Variants in CSMD1 observed in about 807,000 individuals in gnomAD.
CSMD1 encodes CUB and sushi domain-containing protein 1.
In CSMD1, 213 loss-of-function variants were observed where a neutral mutation model predicts 417.5. The observed-to-expected ratio is 0.51, with a 90% CI of 0.46 to 0.57. CSMD1 has a LOEUF of 0.57. Ranked by LOEUF, CSMD1 falls within the 20% of genes least tolerant of loss-of-function variation. The pLI is 0.00. For missense variants in CSMD1, 6,923 were observed against 4,529.7 expected (o/e 1.53, Z -15.17); for synonymous variants, 2,862 against 1,736.8 (o/e 1.65, Z -16.11).
At chr8:2,955,916 T>A in intron 63 of CSMD1, 148 bp from the exon 64 acceptor site, 2 of 534,466 alleles carry the variant, frequency 3.7e-6, no homozygotes, top group Non-Finnish European at 6.1e-6. Context: ...ATGTATATTT[T>A]TTTTGGTAGA....
intron 3 of CSMD1, among the ~76,000 whole-genome samples, chr8:4,068,383 G>A (rs2042527): frequency 1.3e-5 from 2 of 151,920 alleles, no homozygotes; most frequent in Non-Finnish European, 2.9e-5. Context: ...CCATGGGAGT[G>A]TGACTTTTAT....
intron 4 of CSMD1, among the ~76,000 whole-genome samples, chr8:4,007,678 C>CT (rs113392680): frequency 1.5e-3 from 225 of 146,532 alleles, no homozygotes; most frequent in Middle Eastern, 3.7e-3. Context: ...CTTTCTTCCT[C>CT]TTTTTTTTTT....
chr8:3,380,563 A>T (rs1451841326), intron 18 of CSMD1, among the ~76,000 whole-genome samples: 2 of 152,206 alleles, frequency 1.3e-5, no homozygotes, highest in African/African-American at 4.8e-5. Context: ...GCAGCCATAA[A>T]AAAGGATGAG....
intron 5 of CSMD1, among the ~76,000 whole-genome samples, chr8:3,948,122 C>T (rs997489952): frequency 6.6e-6 from 1 of 152,166 alleles, no homozygotes; most frequent in African/African-American, 2.4e-5. Flanking sequence ...AGGATAACTG[C>T]TTTAACCGAG....
Position 3,407,346 on chromosome 8 carries a change from A to C in CSMD1, c.2071+553T>G, listed in dbSNP as rs996068791. ...GGATGGACACATGGATGAATGATGA[A>C]TGGATGGATGGAAAGATGGATAAAC... On this transcript the variant is annotated intron_variant, in intron 14 of 69. Coordinates refer to ENST00000635120, the MANE Select transcript of CSMD1 (RefSeq NM_033225.6). 4.6e-5 allele frequency among the ~76,000 whole-genome samples: 7 copies of C among 151,822 alleles called. No individual in the cohort carries two copies. In the South Asian group the frequency reaches 6.3e-4, roughly 14 times the overall value.
chr8:4,209,168 G>C (rs1162461423), intron 3 of CSMD1, among the ~76,000 whole-genome samples: 2 of 152,106 alleles, frequency 1.3e-5, no homozygotes, highest in Non-Finnish European at 2.9e-5. Context: ...TAGAGCCCAA[G>C]GTTCTTTCCA....
chr8:2,982,700 C>G (rs1031076542), intron 54 of CSMD1, among the ~76,000 whole-genome samples: 4 of 152,224 alleles, frequency 2.6e-5, no homozygotes, highest in Non-Finnish European at 4.4e-5. Context: ...ACCAGTGTTT[C>G]CCTTTTAATT....
intron 7 of CSMD1, among the ~76,000 whole-genome samples, chr8:3,696,649 C>T (rs1048679449): frequency 1.3e-5 from 2 of 152,128 alleles, no homozygotes; most frequent in African/African-American, 2.4e-5. Context: ...AACCCTGATG[C>T]ACATTAAAGC....
chr8:3,414,406 TTC>T (rs1211991323), intron 12 of CSMD1, among the ~76,000 whole-genome samples: 6 of 151,964 alleles, frequency 3.9e-5, no homozygotes, highest in African/African-American at 1.2e-4. Context: ...CACAGAAATT[TTC>T]TCTGTTGCTC....
intron 10 of CSMD1, among the ~76,000 whole-genome samples, chr8:3,514,573 C>G (rs1208864099): frequency 6.6e-6 from 1 of 152,124 alleles, no homozygotes; most frequent in African/African-American, 2.4e-5. Context: ...GGGGAATATT[C>G]CTAAATTCTA....
At chr8:4,633,685 T>G (rs996055604) in intron 2 of CSMD1, among the ~76,000 whole-genome samples, 2 of 152,116 alleles carry the variant, frequency 1.3e-5, no homozygotes, top group Admixed American at 1.3e-4. Context: ...GCCTCCCGAG[T>G]AGCTGGACTT....
intron 1 of CSMD1, among the ~76,000 whole-genome samples, chr8:4,777,868 G>C (rs1796946579): frequency 1.3e-5 from 2 of 152,172 alleles, no homozygotes; most frequent in Non-Finnish European, 2.9e-5. Context: ...CTTGACTTCT[G>C]ACACACTGAA....
chr8:3,978,039 T>G (rs562411143), intron 5 of CSMD1, among the ~76,000 whole-genome samples: 1 of 152,148 alleles, frequency 6.6e-6, no homozygotes, highest in Admixed American at 6.5e-5. Flanking sequence ...GTCCATCTCA[T>G]AGCTTCCTCA....
chr8:4,821,940 ATCT>A (rs1347800268), intron 1 of CSMD1, among the ~76,000 whole-genome samples: 7 of 152,090 alleles, frequency 4.6e-5, no homozygotes, highest in African/African-American at 1.7e-4. Flanking sequence ...TTTTTAAATA[ATCT>A]AATCGAATAA....
chr8:3,379,566 C>A (rs138787053), intron 18 of CSMD1, among the ~76,000 whole-genome samples: 3,575 of 152,228 alleles, frequency 0.023, 143 homozygotes, highest in African/African-American at 0.082. Flanking sequence ...ACCAATGGAA[C>A]AGAACAGAGG....
chr8:4,482,811 C>T (rs1489414513), intron 2 of CSMD1, among the ~76,000 whole-genome samples: 1 of 151,996 alleles, frequency 6.6e-6, no homozygotes, highest in Non-Finnish European at 1.5e-5. Context: ...GACAGTATCT[C>T]ATTAAAGAAA....
chr8:4,147,797 C>T (rs781093235), intron 3 of CSMD1, among the ~76,000 whole-genome samples: 1 of 152,052 alleles, frequency 6.6e-6, no homozygotes, highest in Non-Finnish European at 1.5e-5. Context: ...ACCCAATGTG[C>T]CGACTCCAAA....
chr8:4,335,677 G>C (rs1339621128), intron 3 of CSMD1, among the ~76,000 whole-genome samples: 1 of 152,068 alleles, frequency 6.6e-6, no homozygotes, highest in African/African-American at 2.4e-5. Flanking sequence ...GAAGTATATT[G>C]TGCAAAATTG....
chr8:4,517,712 T>C (rs927970465), intron 2 of CSMD1, among the ~76,000 whole-genome samples: 1 of 152,208 alleles, frequency 6.6e-6, no homozygotes, highest in Non-Finnish European at 1.5e-5. Flanking sequence ...TAATACTTAG[T>C]TTTAAATAAC....
Sources: gnomAD v4.1 joint callset for allele counts (sites outside exome capture counted in the v4.1 genomes callset) on GRCh38, gnomAD v4.1.1 for gene constraint, MANE v1.5 for transcripts, NCBI Gene and HGNC (gene_info 2026-07-23, HGNC 2026-07-21) for gene names.